The following ADGRD1 variants were observed in gnomAD, a reference collection of about 807,000 sequenced individuals.
ADGRD1 encodes the protein G-protein coupled receptor 133.
ADGRD1 carries 77 observed loss-of-function variants against 113.4 expected under a neutral mutation model. The ratio of observed to expected loss-of-function variants is 0.68; its 90% CI spans 0.57 to 0.82. ADGRD1 has a LOEUF of 0.82. ADGRD1 is among the 40% of genes least tolerant of loss of function. The probability of loss-of-function intolerance (pLI) is 0.00; values close to 1 mark genes in which losing one functional copy is unlikely to be tolerated. For missense variants in ADGRD1, 1,036 were observed against 1,139.1 expected (o/e 0.91, Z 1.30); for synonymous variants, 474 against 475.0 (o/e 1.00, Z 0.03).
chr12:130,969,219 G>A lies in ADGRD1; in HGVS notation c.188-2239G>A, dbSNP rs140830254. The A allele has an allele frequency of 6.0e-4, 371 of 616,458 alleles. 4 individuals are homozygous for A. The African/African-American group carries it at 6.3e-3, about 10-fold the overall frequency. 38.2% of individuals were successfully genotyped at this position (616,458 alleles called of 1,614,324 possible). On this transcript the variant is annotated intron_variant, in intron 3 of 24. Coordinates refer to ENST00000261654, the MANE Select transcript of ADGRD1 (RefSeq NM_198827.5). ...TCCCAGTCAAGACAGCAGATCCAAG[G>A]TGTTAAAAAATAACCACTAGGGTTA...
intron 15 of ADGRD1, among the ~76,000 whole-genome samples, chr12:131,094,979 C>G (rs1887183622): frequency 6.6e-6 from 1 of 152,126 alleles, no homozygotes; most frequent in African/African-American, 2.4e-5. Context: ...CTTCCCATGC[C>G]CCTCCAGTCT....
chr12:131,005,369 T>C (rs932693342), intron 11 of ADGRD1, among the ~76,000 whole-genome samples: 1 of 152,210 alleles, frequency 6.6e-6, no homozygotes, highest in Non-Finnish European at 1.5e-5. Context: ...TTTCCAATCC[T>C]GGCAGAGCCG....
In ADGRD1 at chr12:130,954,678, TCA is replaced by T. The variant is rs141114103; in HGVS notation, c.103+20_103+21del. 3.2e-4 allele frequency: 520 copies of T among 1,609,078 alleles called. 2 individuals are homozygous for T. In the African/African-American group the frequency reaches 6.4e-3, roughly 20 times the overall value. On this transcript the variant is annotated intron_variant, in intron 2 of 24. Transcript: ENST00000261654. The surrounding 1 kb of genome is among the most constrained non-coding windows in gnomAD (Gnocchi z 4.7). ...CCATCCAGGTAAGAGTGTTTCCTTC[TCA>T]CTCTGAGCACCGCTCTCCCCCTGCC...
At chr12:131,135,931 A>G (rs1288593892) in intron 21 of ADGRD1, 106 bp from the exon 22 acceptor site, 1 of 1,234,162 alleles carries the variant, frequency 8.1e-7, no homozygotes, top group Non-Finnish European at 1.2e-6. Flanking sequence ...TGCTCCCGGC[A>G]GGGCGGTGCC....
chr12:131,087,580 C>T (rs1282718637), intron 15 of ADGRD1, among the ~76,000 whole-genome samples: 1 of 152,216 alleles, frequency 6.6e-6, no homozygotes, highest in Non-Finnish European at 1.5e-5. Context: ...CTGGTGGGAC[C>T]CAAGCCCACC....
chr12:131,026,831 G>A lies in ADGRD1; in HGVS notation c.1473+12491G>A, dbSNP rs190159603. ...TCCCAGGGGATATTGCAGTGTTCACGGCTGGATGCTACTCGTCACTATTCC... is the reference window on the plus strand; with the variant it reads ...TCCCAGGGGATATTGCAGTGTTCACAGCTGGATGCTACTCGTCACTATTCC... On this transcript the variant is annotated intron_variant, in intron 13 of 24. Coordinates refer to ENST00000261654, the MANE Select transcript of ADGRD1 (RefSeq NM_198827.5). 15 of 152,188 alleles carry A rather than the reference G, an allele frequency of 9.9e-5. No individual in the cohort carries two copies. In the East Asian group the frequency reaches 2.3e-3, roughly 24 times the overall value. 9.4% of individuals were successfully genotyped at this position (152,188 alleles called of 1,614,324 possible). A position where few individuals can be genotyped will look rare whatever the true frequency, so the allele number is the denominator to read the frequency against.
intron 8 of ADGRD1, among the ~76,000 whole-genome samples, chr12:130,996,065 C>T (rs1345912315): frequency 1.3e-5 from 2 of 152,144 alleles, no homozygotes; most frequent in Non-Finnish European, 2.9e-5. Context: ...GTGGACACAG[C>T]ACATGTTTCA....
chr12:131,006,788 G>A (rs757058087), intron 12 of ADGRD1, among the ~76,000 whole-genome samples: 9 of 152,134 alleles, frequency 5.9e-5, no homozygotes, highest in South Asian at 2.1e-4. Context: ...CGTCTTCTGC[G>A]TCAGATTTCT....
chr12:131,028,022 G>A (rs1172877942), intron 13 of ADGRD1: 1 of 152,140 alleles, frequency 6.6e-6, no homozygotes, highest in Non-Finnish European at 1.5e-5. Flanking sequence ...GCTGGGTCGA[G>A]GGGCATGTTC....
intron 13 of ADGRD1, among the ~76,000 whole-genome samples, chr12:131,072,336 C>T (rs1593163227): frequency 6.6e-6 from 1 of 152,196 alleles, no homozygotes; most frequent in East Asian, 1.9e-4. Flanking sequence ...AGACAGCAAA[C>T]TGAAGCTTCT....
At position 131,113,780 on chromosome 12, in the gene ADGRD1, G is replaced by C. The variant is rs755036370; in HGVS notation, c.2042-4605G>C. On this transcript the variant is annotated intron_variant, in intron 18 of 24. Coordinates refer to ENST00000261654, the MANE Select transcript of ADGRD1 (RefSeq NM_198827.5). The surrounding 1 kb of genome is among the most constrained non-coding windows in gnomAD (Gnocchi z 4.9). ...GGATGCTTTTGCACACGCTGGTCCT[G>C]AGGCCCGTGTCCTCTGCCCTCCCTC... Among the ~76,000 whole-genome samples the C allele has an allele frequency of 6.6e-6, 1 of 152,154 alleles. No homozygotes were observed. Among genetic ancestry groups the C allele is most frequent in the African/African-American group, 2.4e-5 (1 of 41,424 alleles).
intron 19 of ADGRD1, 164 bp from the exon 20 acceptor site, chr12:131,120,680 GATC>G (rs1326335571): frequency 2.1e-5 from 15 of 706,794 alleles, no homozygotes; most frequent in Non-Finnish European, 3.3e-5. Flanking sequence ...TGAGACGTGG[GATC>G]ATCATGGATA....
intron 13 of ADGRD1, among the ~76,000 whole-genome samples, chr12:131,051,569 C>T (rs938807791): frequency 6.6e-6 from 1 of 151,886 alleles, no homozygotes; most frequent in Non-Finnish European, 1.5e-5. Context: ...CTGCAACCTC[C>T]ATCTCCCAGG....
intron 15 of ADGRD1, among the ~76,000 whole-genome samples, chr12:131,101,617 G>A (rs1593216911): frequency 6.6e-6 from 1 of 151,842 alleles, no homozygotes; most frequent in South Asian, 2.1e-4. Context: ...CAAACTCCTC[G>A]CCTCAGGTGA....
Position 131,102,871 on chromosome 12 carries a change from T to A in ADGRD1, c.1672-1960T>A, listed in dbSNP as rs548971475. ...GCTCTCCTACCCCTAACTGCATGAT[T>A]CTGCAATAACCAGAAACAAGAACAA... On this transcript the variant is annotated intron_variant, in intron 15 of 24. Transcript: ENST00000261654. 1.6e-4 allele frequency among the ~76,000 whole-genome samples: 25 copies of A among 152,302 alleles called. No individual in the cohort carries two copies. In the South Asian group the frequency reaches 3.9e-3, roughly 24 times the overall value.
At chr12:131,132,764 T>C (rs11061340) in intron 21 of ADGRD1, among the ~76,000 whole-genome samples, 66,957 of 152,010 alleles carry the variant, frequency 0.44, 15,039 homozygotes, top group South Asian at 0.59. Context: ...ACTGTTCAGT[T>C]AGCACCCCCA....
chr12:131,028,527 T>C (rs7306353), intron 13 of ADGRD1, among the ~76,000 whole-genome samples: 38,437 of 152,170 alleles, frequency 0.25, 5,710 homozygotes, highest in South Asian at 0.43. Flanking sequence ...CCCGAGGCCA[T>C]GAAAGTAGTT....
rs934238211 is a variant in ADGRD1 at position 131,027,814 on chromosome 12, G to T, written c.1473+13474G>T. Reference sequence around the variant, plus strand: ...TGCCTGCAGAAAAGCACGTATATGTGTGTATGGTATGACAGTTTTTACAAA... The same window carrying T: ...TGCCTGCAGAAAAGCACGTATATGTTTGTATGGTATGACAGTTTTTACAAA... On this transcript the variant is annotated intron_variant, in intron 13 of 24. Transcript: ENST00000261654. The surrounding 1 kb of genome is among the most constrained non-coding windows in gnomAD (Gnocchi z 5.1). 1 of 152,204 alleles carries T rather than the reference G, an allele frequency of 6.6e-6. No individual in the cohort carries two copies. Among genetic ancestry groups the T allele is most frequent in the African/African-American group, 2.4e-5 (1 of 41,440 alleles). 9.4% of individuals were successfully genotyped at this position (152,204 alleles called of 1,614,324 possible).
intron 13 of ADGRD1, among the ~76,000 whole-genome samples, chr12:131,068,531 G>A (rs764384786): frequency 5.3e-5 from 8 of 152,114 alleles, no homozygotes; most frequent in African/African-American, 7.2e-5. Flanking sequence ...GTTTGACTCC[G>A]CACTGATTTT....
Sources: gnomAD v4.1 joint callset for allele counts (sites outside exome capture counted in the v4.1 genomes callset) on GRCh38, gnomAD v4.1.1 for gene constraint, Gnocchi (gnomAD v3.1) non-coding constraint, MANE v1.5 for transcripts, NCBI Gene and HGNC (gene_info 2026-07-23, HGNC 2026-07-21) for gene names.